NCAPD2: variants seen among roughly 807,000 people sequenced by gnomAD.
The protein encoded by NCAPD2 is non-SMC condensin I complex subunit D2.
NCAPD2 carries 100 observed loss-of-function variants against 164.5 expected under a neutral mutation model. The observed-to-expected ratio is 0.61, with a 90% CI of 0.52 to 0.72. The LOEUF is 0.72. Among genes scored for constraint, NCAPD2 ranks in the 30% least tolerant of loss-of-function variants. The probability of loss-of-function intolerance (pLI) is 0.00; values close to 1 mark genes in which losing one functional copy is unlikely to be tolerated. For missense variants in NCAPD2, 1,560 were observed against 1,749.2 expected, an observed-to-expected ratio of 0.89 and a Z score of 1.93; for synonymous variants, 585 against 642.6, an observed-to-expected ratio of 0.91 and a Z score of 1.36.
At chr12:6,511,992 A>G (rs1946153161) in intron 6 of NCAPD2, among the ~76,000 whole-genome samples, 1 of 145,202 alleles carries the variant, frequency 6.9e-6, no homozygotes, top group Admixed American at 6.9e-5. Flanking sequence ...CTCAAAAAAA[A>G]TAGATAGGGC....
chr12:6,504,218 GATATAGATA>G (rs1946076381), intron 2 of NCAPD2, among the ~76,000 whole-genome samples: 21 of 29,928 alleles, frequency 7.0e-4, no homozygotes, highest in African/African-American at 4.2e-3. Flanking sequence ...TATATATATA[GATATAGATA>G]TATATATATA....
chr12:6,529,917 G>A lies in NCAPD2; in HGVS notation c.3796G>A (p.Val1266Ile). Residue 1266 changes from valine (V) to isoleucine (I), a missense_variant, in exon 29 of 32, where the codon GTT becomes ATT. Transcript: ENST00000315579. ...GTCCATCTTCAGTGCTTTTTTGTCA[G>A]TTGTAGGCAAGCTGCGACGTGGGGC... ...DESIFSAFLS[V>I]VGKLRRGAKP... is the part of the protein sequence containing the mutation. 6.2e-7 allele frequency: 1 copy of A among 1,614,208 alleles called. No homozygotes were observed. The highest frequency in any genetic ancestry group is 8.5e-7 in the Non-Finnish European group (1 of 1,180,020).
Position 6,523,359 on chromosome 12 carries a change from G to T in NCAPD2, c.2214+13G>T, listed in dbSNP as rs1438377026. On this transcript the variant is annotated intron_variant, in intron 17 of 31. Coordinates refer to ENST00000315579, the MANE Select transcript of NCAPD2 (RefSeq NM_014865.4). ...TCTTGAGGAAATTGTAAGGCTTCCT[G>T]CTTTCTCTTTCTTTATTCATTCAAC... is the stretch of plus-strand genomic sequence containing the variant. 1.9e-6 allele frequency: 3 copies of T among 1,562,122 alleles called. No individual in the cohort carries two copies. In the South Asian group the frequency reaches 3.4e-5, roughly 18 times the overall value.
chr12:6,517,374 CT>C lies in NCAPD2; in HGVS notation c.1196del (p.Leu399ArgfsTer10). Reference sequence around the variant, plus strand: ...TTCCTACCCTACACAGGCTCTCCCCCTGACACGTTTCCAGGCAGTGGTGGCT... The same window carrying C: ...TTCCTACCCTACACAGGCTCTCCCCCGACACGTTTCCAGGCAGTGGTGGCT... Reference protein sequence around the residue: ...TRIVQQKALPLTRFQAVVALA... With the variant: ...TRIVQQKALPXTRFQAVVALA... On this transcript the variant is annotated frameshift_variant, in exon 11 of 32. Transcript: ENST00000315579. LOFTEE classifies it high-confidence loss of function. The C allele has an allele frequency of 6.2e-7, 1 of 1,614,086 alleles. No individual in the cohort carries two copies. Among genetic ancestry groups the C allele is most frequent in the Non-Finnish European group, 8.5e-7 (1 of 1,179,974 alleles).
Position 6,526,308 on chromosome 12 carries a change from C to T in NCAPD2, c.2503C>T (p.Pro835Ser), listed in dbSNP as rs1018414996. 5 of 1,614,058 alleles carry T rather than the reference C, an allele frequency of 3.1e-6. No homozygotes were observed. In the African/African-American group the frequency reaches 6.7e-5, roughly 22 times the overall value. The change falls in exon 20 of 32, where the codon CCC becomes TCC. Residue 835 changes from proline to serine, a missense_variant. Pro to Ser is a moderately conservative substitution (Grantham distance 74, BLOSUM62 -1). Transcript: ENST00000315579. ...RRKPSLGKRH[P>S]PFRLPQEHRL... Reference sequence around the variant, plus strand: ...ACAGCCTTCTCTGGGCAAACGTCACCCCCCCTTCCGGCTGCCTCAGGAACA... The same window carrying T: ...ACAGCCTTCTCTGGGCAAACGTCACTCCCCCTTCCGGCTGCCTCAGGAACA...
rs376015094 is a variant in NCAPD2, at chr12:6,528,372, G to A, written c.3299+44G>A. 2.9e-5 allele frequency: 46 copies of A among 1,610,024 alleles called. No individual in the cohort carries two copies. The highest frequency in any genetic ancestry group is 9.9e-5 in the South Asian group (9 of 90,964). Reference sequence around the variant, plus strand: ...CGTGGTGGCAGTTCCCAGGAGCCCCGGAGTCTGTTGAGAGTCAGTGTGAGA... The same window carrying A: ...CGTGGTGGCAGTTCCCAGGAGCCCCAGAGTCTGTTGAGAGTCAGTGTGAGA... On this transcript the variant is annotated intron_variant, in intron 25 of 31. Coordinates refer to ENST00000315579, the MANE Select transcript of NCAPD2 (RefSeq NM_014865.4). This position sits in a 1 kb window ranked among gnomAD's most constrained non-coding sequence, Gnocchi z 5.1.
chr12:6,517,031 C>T lies in NCAPD2; in HGVS notation c.1185+6C>T. The stretch of plus-strand genomic sequence containing the variant: ...CCCGAATTGTCCAGCAGAAGGTAAC[C>T]AACTTCTATGTGGCAAAAACATATG... On this transcript the variant is annotated splice_donor_region_variant and intron_variant, in intron 10 of 31. Coordinates refer to ENST00000315579, the MANE Select transcript of NCAPD2 (RefSeq NM_014865.4). The T allele has an allele frequency of 6.2e-7, 1 of 1,613,884 alleles. No individual in the cohort carries two copies. Among genetic ancestry groups the T allele is most frequent in the Non-Finnish European group, 8.5e-7 (1 of 1,179,778 alleles).
chr12:6,495,286 GCTACATTGTCATTTCTGTTCCA>G (rs1163125963), intron 2 of NCAPD2, 61 bp downstream of exon 2: 2 of 1,580,288 alleles, frequency 1.3e-6, no homozygotes, highest in Non-Finnish European at 1.7e-6. Context: ...ACATGGAATT[GCTACATTGTCATTTCTGTTCCA>G]CTACACCAGG....
rs1453808273 is a variant in NCAPD2, at chr12:6,531,179, G to T, written c.4120+103G>T. 1 of 1,523,540 alleles carries T rather than the reference G, an allele frequency of 6.6e-7. No individual in the cohort carries two copies. The highest frequency in any genetic ancestry group is 1.4e-5 in the African/African-American group (1 of 72,736). The allele number at this position is 1,523,540 out of a possible 1,614,324, so 94.4% of individuals were successfully genotyped here. On this transcript the variant is annotated intron_variant, in intron 31 of 31. Coordinates refer to ENST00000315579, the MANE Select transcript of NCAPD2 (RefSeq NM_014865.4). The surrounding 1 kb of genome is among the most constrained non-coding windows in gnomAD (Gnocchi z 4.1). ...GCGGGGGCCTGAGTGTAGATGCTCT[G>T]CCCCACTGCCGCAGAAGGGCCTCTC... is the stretch of plus-strand genomic sequence containing the variant.
chr12:6,510,286 C>T (rs755112996), intron 4 of NCAPD2, 153 bp downstream of exon 4: 2 of 878,840 alleles, frequency 2.3e-6, no homozygotes, highest in South Asian at 1.3e-5. Flanking sequence ...GACCTTTGGC[C>T]TGTTAAAGGT....
At chr12:6,509,947 G>A (rs71584844) in intron 3 of NCAPD2, 128 bp from the exon 4 acceptor site, 14 of 1,279,700 alleles carry the variant, frequency 1.1e-5, no homozygotes, top group Admixed American at 2.0e-5. Context: ...GCTTGCCACC[G>A]TATTTATTCA....
At chr12:6,518,021 A>C in intron 13 of NCAPD2, 62 bp downstream of exon 13, 1 of 1,507,840 alleles carries the variant, frequency 6.6e-7, no homozygotes, top group Non-Finnish European at 9.1e-7. Flanking sequence ...CCTTTGAGAA[A>C]CTTACATAAT....
chr12:6,514,677 G>A, intron 8 of NCAPD2, 90 bp downstream of exon 8: 1 of 1,606,694 alleles, frequency 6.2e-7, no homozygotes, highest in Non-Finnish European at 8.5e-7. Flanking sequence ...TGCAACAGTA[G>A]ATTCCTTCAG....
chr12:6,504,182 C>CATACAT (rs1946068465), intron 2 of NCAPD2, among the ~76,000 whole-genome samples: 1 of 57,762 alleles, frequency 1.7e-5, no homozygotes, highest in Non-Finnish European at 3.1e-5. Context: ...TATATATATA[C>CATACAT]ATATATATAT....
chr12:6,524,692 T>A (rs1946299801), intron 17 of NCAPD2, among the ~76,000 whole-genome samples: 1 of 151,284 alleles, frequency 6.6e-6, no homozygotes, highest in Non-Finnish European at 1.5e-5. Context: ...ATAATAAAGT[T>A]GTGAATGTAG....
At chr12:6,517,112 C>A in intron 10 of NCAPD2, 87 bp downstream of exon 10, 1 of 1,457,518 alleles carries the variant, frequency 6.9e-7, no homozygotes, top group Non-Finnish European at 9.6e-7. Context: ...TAAATATCTG[C>A]CCCAAAGAGG....
chr12:6,503,524 C>G (rs1370720294), intron 2 of NCAPD2, among the ~76,000 whole-genome samples: 1 of 152,138 alleles, frequency 6.6e-6, no homozygotes, highest in Non-Finnish European at 1.5e-5. Context: ...GTAATCCCAG[C>G]ACTTTGGGAG....
At chr12:6,497,383 C>T (rs1043062740) in intron 2 of NCAPD2, among the ~76,000 whole-genome samples, 1 of 151,666 alleles carries the variant, frequency 6.6e-6, no homozygotes, top group Non-Finnish European at 1.5e-5. Context: ...TTTGCTGCAC[C>T]TATCAACCCA....
At chr12:6,501,538 T>C (rs933650330) in intron 2 of NCAPD2, among the ~76,000 whole-genome samples, 1 of 152,178 alleles carries the variant, frequency 6.6e-6, no homozygotes, top group Non-Finnish European at 1.5e-5. Flanking sequence ...TGCCATTTAC[T>C]GAGATGGGGT....
Sources: gnomAD v4.1 joint callset for allele counts (sites outside exome capture counted in the v4.1 genomes callset) on GRCh38, gnomAD v4.1.1 for gene constraint, Gnocchi (gnomAD v3.1) non-coding constraint, MANE v1.5 for transcripts, NCBI Gene and HGNC (gene_info 2026-07-23, HGNC 2026-07-21) for gene names.